Variants in DLGAP1 observed in about 807,000 individuals in gnomAD.
DLGAP1 encodes DLG associated protein 1.
In DLGAP1, 11 loss-of-function variants were observed where a neutral mutation model predicts 90.8. The observed-to-expected ratio is 0.12, with a 90% CI of 0.08 to 0.20. The LOEUF (loss-of-function observed/expected upper bound fraction) is 0.20, where lower values mean the gene tolerates loss of function less well. Among genes scored for constraint, DLGAP1 ranks in the 10% least tolerant of loss-of-function variants. The probability of loss-of-function intolerance (pLI) is 1.00; values close to 1 mark genes in which losing one functional copy is unlikely to be tolerated. For missense variants in DLGAP1, 1,050 were observed against 1,333.8 expected (o/e 0.79, Z 3.31); for synonymous variants, 558 against 540.7 (o/e 1.03, Z -0.44).
chr18:3,600,428 G>T (rs150280371), intron 7 of DLGAP1, among the ~76,000 whole-genome samples: 2,690 of 151,910 alleles, frequency 0.018, 29 homozygotes, highest in South Asian at 0.048. Flanking sequence ...TAGAGACGGG[G>T]TTTCACCATG....
Position 3,499,202 on chromosome 18 carries a change from C to T in DLGAP1, c.2917G>A (p.Ala973Thr). The T allele has an allele frequency of 6.3e-7, 1 of 1,590,280 alleles. No homozygotes were observed. The highest frequency in any genetic ancestry group is 8.5e-7 in the Non-Finnish European group (1 of 1,172,608). The change falls in exon 13 of 13, where the codon GCG becomes ACG. Residue 973 changes from alanine to threonine, a missense_variant. Physicochemically the swap from Ala to Thr is moderately conservative, Grantham distance 58 (BLOSUM62 0). This residue lies in a region of DLGAP1 where 565 missense variants were observed against 879.7 expected (regional missense o/e 0.64). Transcript: ENST00000315677. The surrounding 1 kb of genome is among the most constrained non-coding windows in gnomAD (Gnocchi z 6.4). ...AESIEIYIPE[A>T]QTRL is the part of the protein sequence containing the mutation. ...CGGGGCGCTCAGAGCCGGGTCTGCG[C>T]CTCGGGGATGTAGATCTCGATGCTC...
intron 2 of DLGAP1, among the ~76,000 whole-genome samples, chr18:4,016,853 A>C (rs2074531468): frequency 6.6e-6 from 1 of 152,160 alleles, no homozygotes; most frequent in Admixed American, 6.5e-5. Flanking sequence ...TCAACCTCTC[A>C]GTCTCAGTTT....
At chr18:3,520,483 G>T (rs2051111352) in intron 10 of DLGAP1, among the ~76,000 whole-genome samples, 2 of 152,182 alleles carry the variant, frequency 1.3e-5, no homozygotes, top group African/African-American at 4.8e-5. Context: ...ATGTGACTCT[G>T]GAGATAACGT....
chr18:3,733,792 G>C (rs943891371), intron 6 of DLGAP1, among the ~76,000 whole-genome samples: 3 of 151,972 alleles, frequency 2.0e-5, no homozygotes, highest in Non-Finnish European at 2.9e-5. Flanking sequence ...CAGTTTTTCT[G>C]GATATAAAAA....
chr18:4,030,910 A>G (rs1401303536), intron 2 of DLGAP1, among the ~76,000 whole-genome samples: 1 of 152,144 alleles, frequency 6.6e-6, no homozygotes, highest in Non-Finnish European at 1.5e-5. Context: ...GTGACAGAGT[A>G]AGACACAGTC....
intron 2 of DLGAP1, among the ~76,000 whole-genome samples, chr18:4,135,826 A>ATAATG (rs1419496003): frequency 7.0e-6 from 1 of 142,782 alleles, no homozygotes; most frequent in Non-Finnish European, 1.5e-5. Context: ...ATAGTATTCC[A>ATAATG]TAATGTATAC....
At chr18:4,134,177 A>G (rs980922101) in intron 2 of DLGAP1, among the ~76,000 whole-genome samples, 5 of 152,212 alleles carry the variant, frequency 3.3e-5, no homozygotes, top group African/African-American at 9.6e-5. Flanking sequence ...AACATTATTA[A>G]TACTTTTAGC....
intron 5 of DLGAP1, among the ~76,000 whole-genome samples, chr18:3,751,372 C>A (rs765373661): frequency 3.3e-5 from 5 of 152,110 alleles, no homozygotes; most frequent in Non-Finnish European, 7.4e-5. Flanking sequence ...TCACAGCTCA[C>A]TGAGGCCTCG....
chr18:3,656,897 C>A (rs1448061320), intron 7 of DLGAP1, among the ~76,000 whole-genome samples: 1 of 152,074 alleles, frequency 6.6e-6, no homozygotes. Context: ...CAGGCGCCCG[C>A]CAGCACGCCC....
intron 2 of DLGAP1, among the ~76,000 whole-genome samples, chr18:4,109,661 C>T (rs912378609): frequency 1.3e-5 from 2 of 152,148 alleles, no homozygotes; most frequent in Non-Finnish European, 2.9e-5. Flanking sequence ...AGGTCCTCTC[C>T]TTCCTCATTC....
intron 3 of DLGAP1, among the ~76,000 whole-genome samples, chr18:3,993,996 T>C (rs2074019854): frequency 6.6e-6 from 1 of 152,126 alleles, no homozygotes. Context: ...TTGGTAAGAA[T>C]GTGGTGAGTG....
intron 3 of DLGAP1, among the ~76,000 whole-genome samples, chr18:3,973,397 C>T (rs1445152869): frequency 6.6e-6 from 1 of 151,842 alleles, no homozygotes; most frequent in African/African-American, 2.4e-5. Flanking sequence ...GTCCTGGAAG[C>T]TGCAATTCAT....
chr18:3,537,239 C>G (rs544043366), intron 9 of DLGAP1, among the ~76,000 whole-genome samples: 17 of 152,304 alleles, frequency 1.1e-4, no homozygotes, highest in Non-Finnish European at 2.1e-4. Flanking sequence ...ACTGTGCACC[C>G]ATGAAATGCT....
intron 1 of DLGAP1, among the ~76,000 whole-genome samples, chr18:4,335,233 G>A (rs1327569761): frequency 1.3e-5 from 2 of 151,884 alleles, no homozygotes; most frequent in Non-Finnish European, 2.9e-5. Context: ...TATGTGGTTG[G>A]CATCAAAGCC....
rs568464856 is a variant in DLGAP1 at position 4,350,064 on chromosome 18, A to G, written c.-267+104942T>C. Among the ~76,000 whole-genome samples the G allele has an allele frequency of 2.0e-5, 3 of 152,286 alleles. No individual in the cohort carries two copies. The South Asian group carries it at 6.2e-4, about 32-fold the overall frequency. ...ACCAAGTATTAACTTCTGAGATTGCACTTCTTCATAAAACAACAGAAGAGA... is the reference window on the plus strand; with the variant it reads ...ACCAAGTATTAACTTCTGAGATTGCGCTTCTTCATAAAACAACAGAAGAGA... On this transcript the variant is annotated intron_variant, in intron 1 of 12. Coordinates refer to ENST00000315677, the MANE Select transcript of DLGAP1 (RefSeq NM_004746.4).
chr18:3,547,281 A>G lies in DLGAP1; in HGVS notation c.2058-12666T>C, dbSNP rs571330871. Among the ~76,000 whole-genome samples the G allele has an allele frequency of 1.6e-3, 229 of 146,800 alleles. 2 individuals carry two copies. The highest frequency in any genetic ancestry group is 3.5e-3 in the Middle Eastern group (1 of 288). On this transcript the variant is annotated intron_variant, in intron 9 of 12. Coordinates refer to ENST00000315677, the MANE Select transcript of DLGAP1 (RefSeq NM_004746.4). ...CGCGCCACTGCACTCCAGCCTGGGC[A>G]ATAGAGCGAGACTCCGTCTCAAAAA...
chr18:3,925,834 A>C (rs534117094), intron 3 of DLGAP1, among the ~76,000 whole-genome samples: 156 of 152,368 alleles, frequency 1.0e-3, no homozygotes, highest in African/African-American at 3.6e-3. Flanking sequence ...CTAATGGCCA[A>C]AGAAAGCCAG....
At chr18:4,356,888 C>T (rs765892720) in intron 1 of DLGAP1, among the ~76,000 whole-genome samples, 5 of 152,224 alleles carry the variant, frequency 3.3e-5, no homozygotes, top group Non-Finnish European at 7.4e-5. Flanking sequence ...CTTTCTAGGA[C>T]GTGCCACATA....
intron 5 of DLGAP1, among the ~76,000 whole-genome samples, chr18:3,812,002 G>A (rs1156721229): frequency 2.0e-5 from 3 of 152,112 alleles, no homozygotes; most frequent in Admixed American, 2.0e-4. Context: ...TATCACCCAA[G>A]ACCCAAAGTG....
Sources: allele counts gnomAD v4.1 joint callset (sites outside exome capture counted in the v4.1 genomes callset), GRCh38; gene constraint gnomAD v4.1.1; regional missense constraint gnomAD v4.1.1; non-coding constraint Gnocchi (gnomAD v3.1); transcripts MANE v1.5; gene names NCBI Gene and HGNC (gene_info 2026-07-23, HGNC 2026-07-21).